The following EXOC4 variants were observed in gnomAD, a reference collection of about 807,000 sequenced individuals.
EXOC4 encodes SEC8-like 1.
A neutral mutation model predicts 107.2 loss-of-function variants in EXOC4; 71 were observed. The ratio of observed to expected loss-of-function variants is 0.66; its 90% CI spans 0.55 to 0.81. The LOEUF (loss-of-function observed/expected upper bound fraction) is 0.81, where lower values mean the gene tolerates loss of function less well. Ranked by LOEUF, EXOC4 falls within the 30% of genes least tolerant of loss-of-function variation. The probability of loss-of-function intolerance (pLI) is 0.00; values close to 1 mark genes in which losing one functional copy is unlikely to be tolerated. For synonymous variants in EXOC4, 456 were observed against 441.2 expected, an observed-to-expected ratio of 1.03 and a Z score of -0.42; for missense variants, 1,108 against 1,189.6, an observed-to-expected ratio of 0.93 and a Z score of 1.01.
At chr7:133,307,493 G>T (rs1280036985) in intron 4 of EXOC4, among the ~76,000 whole-genome samples, 11 of 152,022 alleles carry the variant, frequency 7.2e-5, no homozygotes, top group Admixed American at 7.2e-4. Context: ...TATTATAAGG[G>T]AAAATGAGCA....
intron 17 of EXOC4, among the ~76,000 whole-genome samples, chr7:134,061,836 G>A (rs2116631043): frequency 6.6e-6 from 1 of 152,250 alleles, no homozygotes; most frequent in Admixed American, 6.5e-5. Flanking sequence ...TTAATATGAT[G>A]CTTCTTCCTG....
At chr7:134,006,826 C>T (rs943911837) in intron 16 of EXOC4, among the ~76,000 whole-genome samples, 3 of 152,160 alleles carry the variant, frequency 2.0e-5, no homozygotes, top group African/African-American at 7.2e-5. Flanking sequence ...AATAGTAACC[C>T]ATATGTGCCT....
chr7:133,695,587 C>T (rs887430292), intron 10 of EXOC4, among the ~76,000 whole-genome samples: 1 of 152,068 alleles, frequency 6.6e-6, no homozygotes, highest in African/African-American at 2.4e-5. Flanking sequence ...CAACTAGCCT[C>T]TTACTCTTAA....
intron 9 of EXOC4, among the ~76,000 whole-genome samples, chr7:133,490,972 CA>C (rs1386783218): frequency 2.0e-5 from 3 of 152,204 alleles, no homozygotes; most frequent in African/African-American, 7.2e-5. Context: ...GGGCCCACGG[CA>C]CAACCTATTT....
chr7:133,971,209 G>C (rs1314619354), intron 14 of EXOC4, among the ~76,000 whole-genome samples: 4 of 151,608 alleles, frequency 2.6e-5, no homozygotes, highest in Admixed American at 1.3e-4. Flanking sequence ...TGCAGGACTT[G>C]ACGAGTAAGA....
chr7:133,552,391 G>A (rs888655383), intron 9 of EXOC4, among the ~76,000 whole-genome samples: 4 of 152,102 alleles, frequency 2.6e-5, no homozygotes, highest in Non-Finnish European at 4.4e-5. Flanking sequence ...CTGCTGTCAC[G>A]CAAAAACAAA....
At chr7:134,023,216 T>C in intron 17 of EXOC4, among the ~76,000 whole-genome samples, 1 of 152,200 alleles carries the variant, frequency 6.6e-6, no homozygotes, top group East Asian at 1.9e-4. Flanking sequence ...CTACAATTAG[T>C]ATAGTTAGCA....
At chr7:133,987,470 G>A (rs1794146440) in intron 14 of EXOC4, among the ~76,000 whole-genome samples, 1 of 151,612 alleles carries the variant, frequency 6.6e-6, no homozygotes, top group Non-Finnish European at 1.5e-5. Flanking sequence ...GAAGGAAGGA[G>A]AGAAAGGAGG....
intron 7 of EXOC4, among the ~76,000 whole-genome samples, chr7:133,440,777 T>C (rs1026938349): frequency 6.6e-6 from 1 of 152,160 alleles, no homozygotes; most frequent in Admixed American, 6.5e-5. Flanking sequence ...AGTTACCCTA[T>C]GTGGAAGTTA....
intron 11 of EXOC4, among the ~76,000 whole-genome samples, chr7:133,846,610 G>A (rs1312573691): frequency 2.6e-5 from 4 of 152,168 alleles, no homozygotes; most frequent in South Asian, 2.1e-4. Flanking sequence ...AAGATAATAC[G>A]GTATAATGCA....
intron 11 of EXOC4, among the ~76,000 whole-genome samples, chr7:133,828,683 G>A (rs1388312489): frequency 6.6e-6 from 1 of 152,138 alleles, no homozygotes; most frequent in Non-Finnish European, 1.5e-5. Flanking sequence ...ATCTCAGATG[G>A]GCTGGTGAAA....
At chr7:133,747,662 A>C (rs1263368364) in intron 10 of EXOC4, among the ~76,000 whole-genome samples, 1 of 152,120 alleles carries the variant, frequency 6.6e-6, no homozygotes, top group Non-Finnish European at 1.5e-5. Context: ...ATGGTGATGT[A>C]CCTTTCTGAC....
intron 7 of EXOC4, among the ~76,000 whole-genome samples, chr7:133,387,456 A>G (rs73439164): frequency 0.026 from 3,938 of 152,268 alleles, 173 homozygotes; most frequent in African/African-American, 0.091. Context: ...GTAGCAGCCC[A>G]AAGTTGGCAA....
At chr7:133,737,388 C>T (rs1795465817) in intron 10 of EXOC4, among the ~76,000 whole-genome samples, 1 of 151,802 alleles carries the variant, frequency 6.6e-6, no homozygotes. Context: ...GTTCCCTAGC[C>T]TTTAAACTTT....
At chr7:133,526,855 C>T (rs557648209) in intron 9 of EXOC4, among the ~76,000 whole-genome samples, 1 of 152,088 alleles carries the variant, frequency 6.6e-6, no homozygotes, top group South Asian at 2.1e-4. Flanking sequence ...GTCTGTAGTC[C>T]CAGCTACTCG....
intron 10 of EXOC4, among the ~76,000 whole-genome samples, chr7:133,743,968 T>A (rs1004540508): frequency 2.6e-5 from 4 of 152,152 alleles, no homozygotes; most frequent in Non-Finnish European, 5.9e-5. Flanking sequence ...GATAGGCTAC[T>A]GAGAGAGAGA....
intron 5 of EXOC4, among the ~76,000 whole-genome samples, chr7:133,355,438 C>T (rs1796000338): frequency 6.6e-6 from 1 of 151,992 alleles, no homozygotes; most frequent in South Asian, 2.1e-4. Flanking sequence ...GTTGCGAAAC[C>T]CGGAATTCCT....
At chr7:133,583,268 T>C (rs1801321788) in intron 9 of EXOC4, among the ~76,000 whole-genome samples, 1 of 152,226 alleles carries the variant, frequency 6.6e-6, no homozygotes, top group South Asian at 2.1e-4. Context: ...TCTAGCTTGT[T>C]CTTCTCACTT....
chr7:133,988,604 G>A (rs1794174356), intron 14 of EXOC4, among the ~76,000 whole-genome samples: 2 of 152,114 alleles, frequency 1.3e-5, no homozygotes, highest in African/African-American at 2.4e-5. Context: ...GAGGGGTAGG[G>A]GAACATCCAG....
Sources: allele counts gnomAD v4.1 joint callset (sites outside exome capture counted in the v4.1 genomes callset), GRCh38; gene constraint gnomAD v4.1.1; transcripts MANE v1.5; gene names NCBI Gene and HGNC (gene_info 2026-07-23, HGNC 2026-07-21).